TOP3B: variants seen among roughly 807,000 people sequenced by gnomAD.
TOP3B encodes DNA topoisomerase 3-beta-1.
TOP3B carries 45 observed loss-of-function variants against 93.9 expected under a neutral mutation model. The observed-to-expected ratio is 0.48, with a 90% confidence interval of 0.38 to 0.61. The LOEUF is 0.61. TOP3B is among the 20% of genes least tolerant of loss of function. The pLI is 0.00. For synonymous variants in TOP3B, 357 were observed against 472.6 expected, an observed-to-expected ratio of 0.76 and a Z score of 3.17; for missense variants, 750 against 1,156.1, an observed-to-expected ratio of 0.65 and a Z score of 5.09.
chr22:21,958,197 G>T (rs1166736343), intron 17 of TOP3B: 2 of 1,298,130 alleles, frequency 1.5e-6, no homozygotes, highest in African/African-American at 3.0e-5. Context: ...TGGGTCCCCC[G>T]ACTGCTGCAT....
Position 21,965,231 on chromosome 22 carries a change from C to A in TOP3B, c.943+54G>T, listed in dbSNP as rs754725994. On this transcript the variant is annotated intron_variant, in intron 9 of 17. Transcript: ENST00000357179. The stretch of plus-strand genomic sequence containing the variant: ...AACCCTGGGCACTCGCTGCTCCAGG[C>A]TGAACCTGCCTCAGGAAGCCTTCTG... 790 of 1,411,056 alleles carry A rather than the reference C, an allele frequency of 5.6e-4. 2 individuals are homozygous for A. The highest frequency in any genetic ancestry group is 6.8e-4 in the Non-Finnish European group (708 of 1,037,198). 87.4% of individuals were successfully genotyped at this position (1,411,056 alleles called of 1,614,324 possible).
chr22:21,960,231 G>A, intron 14 of TOP3B, 90 bp downstream of exon 14: 2 of 1,580,700 alleles, frequency 1.3e-6, no homozygotes, highest in Admixed American at 3.4e-5. Context: ...CTGTAGGGCA[G>A]GGGCCTGTCT....
At chr22:21,980,114 C>G (rs238779) in intron 1 of TOP3B, among the ~76,000 whole-genome samples, 5,201 of 152,144 alleles carry the variant, frequency 0.034, 285 homozygotes, top group African/African-American at 0.12. Flanking sequence ...CATCTGTGAT[C>G]ACACATATGT....
chr22:21,962,133 A>T (rs1601818781), intron 13 of TOP3B: 1 of 1,345,956 alleles, frequency 7.4e-7, no homozygotes. Context: ...GTCACCTGGC[A>T]TCTGGGCCAA....
Position 21,967,588 on chromosome 22 carries a change from G to A in TOP3B, c.852+15C>T. The A allele has an allele frequency of 1.2e-6, 2 of 1,608,808 alleles. No individual in the cohort carries two copies. The highest frequency in any genetic ancestry group is 1.7e-6 in the Non-Finnish European group (2 of 1,175,174). On this transcript the variant is annotated intron_variant, in intron 8 of 17. Coordinates refer to ENST00000357179, the MANE Select transcript of TOP3B (RefSeq NM_001282112.2). ...CCCAAGGCAACTGTGATAGATGTGG[G>A]TGGAGCAGGCACACCTGGGCTTCCT...
At chr22:21,978,517 T>C (rs1053213474) in intron 1 of TOP3B, among the ~76,000 whole-genome samples, 4 of 152,068 alleles carry the variant, frequency 2.6e-5, no homozygotes, top group African/African-American at 9.7e-5. Flanking sequence ...GACCTGCCCA[T>C]TGGACAGCCT....
rs986018897 is a variant in TOP3B at position 21,963,955 on chromosome 22, G to A, written c.1172C>T (p.Thr391Ile). The A allele has an allele frequency of 2.5e-5, 41 of 1,613,444 alleles. No homozygotes were observed. Among genetic ancestry groups the A allele is most frequent in the Non-Finnish European group, 3.4e-5 (40 of 1,179,946 alleles). Residue 391 changes from threonine to isoleucine, a missense_variant, in exon 11 of 18, where the codon ACC becomes ATC. By Grantham distance (89) the Thr-to-Ile change is moderately conservative. Transcript: ENST00000357179. The surrounding 1 kb of genome is among the most constrained non-coding windows in gnomAD (Gnocchi z 4.8). Reference sequence around the variant, plus strand: ...GGCCTCTGTGGCAGACTTCATGGGGGTGATGGGGGGATGGTCGCCGGCGTC... The same window carrying A: ...GGCCTCTGTGGCAGACTTCATGGGGATGATGGGGGGATGGTCGCCGGCGTC... ...GHDAGDHPPI[T>I]PMKSATEAEL...
chr22:21,962,798 T>C lies in TOP3B; in HGVS notation c.1300A>G (p.Arg434Gly). 1 of 1,614,094 alleles carries C rather than the reference T, an allele frequency of 6.2e-7. No individual in the cohort carries two copies. Among genetic ancestry groups the C allele is most frequent in the Non-Finnish European group, 8.5e-7 (1 of 1,180,018 alleles). Residue 434 changes from arginine to glycine, a missense_variant, in exon 12 of 18, where the codon AGA (arginine) becomes GGA (glycine). Around this residue, in one of 4 missense-constraint regions of TOP3B, gnomAD observed 737 missense variants for 933.7 expected, o/e 0.79. Coordinates refer to ENST00000357179, the MANE Select transcript of TOP3B (RefSeq NM_001282112.2). ...CAGGTGAAGAGCTCGGGCCCAATTCTGAAGGAGATGGTGCTCTGCAGGTAC... is the reference window on the plus strand; with the variant it reads ...CAGGTGAAGAGCTCGGGCCCAATTCCGAAGGAGATGGTGCTCTGCAGGTAC... ...CKYLQSTISF[R>G]IGPELFTCSG... is the part of the protein sequence containing the mutation.
At position 21,974,565 on chromosome 22, in the gene TOP3B, C is replaced by T. The variant is rs1036858700; in HGVS notation, c.71-77G>A. On this transcript the variant is annotated intron_variant, in intron 2 of 17. Coordinates refer to ENST00000357179, the MANE Select transcript of TOP3B (RefSeq NM_001282112.2). The stretch of plus-strand genomic sequence containing the variant: ...CCTGTGGAGACCCCAGCCCGGATGC[C>T]ACCTCCCAGAGGGCCAGAGTCCTCC... 3 of 1,470,884 alleles carry T rather than the reference C, an allele frequency of 2.0e-6. No homozygotes were observed. In the African/African-American group the frequency reaches 4.2e-5, roughly 21 times the overall value. The allele number at this position is 1,470,884 out of a possible 1,614,324, so 91.1% of individuals were successfully genotyped here. A position where few individuals can be genotyped will look rare whatever the true frequency, so the allele number is the denominator to read the frequency against.
Position 21,975,789 on chromosome 22 carries a change from CTA to C in TOP3B, c.-82_-81del. Reference sequence around the variant, plus strand: ...GACTCCACTCTTCCGCAGCACAGCACTATTACCAATGCTGACTCCTAAAGAGA... The same window carrying C: ...GACTCCACTCTTCCGCAGCACAGCACTTACCAATGCTGACTCCTAAAGAGA... On this transcript the variant is annotated 5_prime_UTR_variant, in exon 2 of 18. Coordinates refer to ENST00000357179, the MANE Select transcript of TOP3B (RefSeq NM_001282112.2). 1 of 1,515,526 alleles carries C rather than the reference CTA, an allele frequency of 6.6e-7. No individual in the cohort carries two copies. Among genetic ancestry groups the C allele is most frequent in the Non-Finnish European group, 8.9e-7 (1 of 1,123,604 alleles). 93.9% of individuals were successfully genotyped at this position (1,515,526 alleles called of 1,614,324 possible). A position where few individuals can be genotyped will look rare whatever the true frequency, so the allele number is the denominator to read the frequency against.
Position 21,959,363 on chromosome 22 carries a change from C to T in TOP3B, c.1805-131G>A, listed in dbSNP as rs1460648170. ...GGTTTCTACTGTCCTGGCAGCACGG[C>T]AGGGCAGCAGCCCTGTGCGTCAGAG... On this transcript the variant is annotated intron_variant, in intron 15 of 17. Transcript: ENST00000357179. 6.0e-6 allele frequency: 9 copies of T among 1,502,970 alleles called. No individual in the cohort carries two copies. In the East Asian group the frequency reaches 2.1e-4, roughly 35 times the overall value. The allele number at this position is 1,502,970 out of a possible 1,614,324, so 93.1% of individuals were successfully genotyped here. A position where few individuals can be genotyped will look rare whatever the true frequency, so the allele number is the denominator to read the frequency against.
At chr22:21,962,011 G>T in intron 13 of TOP3B, 1 of 835,822 alleles carries the variant, frequency 1.2e-6, no homozygotes, top group Non-Finnish European at 1.6e-6. Context: ...AGGCATTTCT[G>T]TTCTCTCCCA....
In TOP3B at chr22:21,975,652, T is replaced by G. The variant is rs1409753520; in HGVS notation, c.58A>C (p.Ile20Leu). 2 of 1,611,228 alleles carry G rather than the reference T, an allele frequency of 1.2e-6. No homozygotes were observed. Among genetic ancestry groups the G allele is most frequent in the African/African-American group, 2.7e-5 (2 of 74,858 alleles). Residue 20 changes from isoleucine to leucine, a missense_variant, in exon 2 of 18, where the codon ATC (isoleucine) becomes CTC (leucine). Physicochemically the swap from Ile to Leu is conservative, Grantham distance 5. Transcript: ENST00000357179. ...TGGTCTCTCCTACCTCTAGAGAGGA[T>G]TTTGGCAATTGACTGTGCCAAGGAC... ...KPSLAQSIAK[I>L]LSRGSLSSHK...
intron 6 of TOP3B, chr22:21,969,968 T>G: frequency 2.7e-6 from 1 of 372,448 alleles, no homozygotes; most frequent in Non-Finnish European, 4.8e-6. Flanking sequence ...TGGGGTCTTG[T>G]TATGCTGCCC....
Position 21,972,594 on chromosome 22 carries a change from C to T in TOP3B, c.309+18G>A. ...TGGGGAGCCCCGGTGTGCTCATGCC[C>T]AGGCCAGCCCCACGCACCTGCAGGA... On this transcript the variant is annotated intron_variant, in intron 4 of 17. Coordinates refer to ENST00000357179, the MANE Select transcript of TOP3B (RefSeq NM_001282112.2). 3 of 1,588,320 alleles carry T rather than the reference C, an allele frequency of 1.9e-6. No individual in the cohort carries two copies. Among genetic ancestry groups the T allele is most frequent in the Non-Finnish European group, 2.6e-6 (3 of 1,165,742 alleles).
chr22:21,978,786 G>A (rs2084550571), intron 1 of TOP3B, among the ~76,000 whole-genome samples: 1 of 152,222 alleles, frequency 6.6e-6, no homozygotes, highest in Admixed American at 6.5e-5. Context: ...AAGCTGCATG[G>A]GGTGAGCTCA....
intron 1 of TOP3B, among the ~76,000 whole-genome samples, chr22:21,978,505 G>A (rs977877941): frequency 2.0e-5 from 3 of 152,170 alleles, no homozygotes; most frequent in African/African-American, 4.8e-5. Context: ...TGTGTTAAAC[G>A]GGACCTGCCC....
intron 2 of TOP3B, chr22:21,974,803 C>T (rs1217396264): frequency 4.9e-6 from 1 of 204,876 alleles, no homozygotes; most frequent in Non-Finnish European, 9.8e-6. Flanking sequence ...ATTTTTGCCT[C>T]ACTTCATTGA....
intron 7 of TOP3B, chr22:21,968,094 C>T (rs2071486365): frequency 2.1e-5 from 6 of 288,014 alleles, no homozygotes; most frequent in South Asian, 1.6e-4. Context: ...GACAGTGTCT[C>T]ACTGTGTTGC....
Sources: allele counts gnomAD v4.1 joint callset (sites outside exome capture counted in the v4.1 genomes callset), GRCh38; gene constraint gnomAD v4.1.1; regional missense constraint gnomAD v4.1.1; non-coding constraint Gnocchi (gnomAD v3.1); transcripts MANE v1.5; gene names NCBI Gene and HGNC (gene_info 2026-07-23, HGNC 2026-07-21).